The following PAK5 variants were observed in gnomAD, a reference collection of about 807,000 sequenced individuals.
PAK5 encodes serine/threonine-protein kinase PAK 5.
Under a neutral mutation model 65.9 loss-of-function variants are expected in PAK5, and 16 were observed. The observed-to-expected ratio is 0.24, with a 90% CI of 0.16 to 0.37. The LOEUF (loss-of-function observed/expected upper bound fraction) is 0.37, where lower values mean the gene tolerates loss of function less well. Ranked by LOEUF, PAK5 falls within the 10% of genes least tolerant of loss-of-function variation. The pLI is 1.00. For missense variants in PAK5, 785 were observed against 903.9 expected, an observed-to-expected ratio of 0.87 and a Z score of 1.69; for synonymous variants, 371 against 354.9, an observed-to-expected ratio of 1.05 and a Z score of -0.51.
rs191583935 is a variant in PAK5, at chr20:9,779,852, A to G, written c.-162+58910T>C. 1.6e-4 allele frequency among the ~76,000 whole-genome samples: 25 copies of G among 152,240 alleles called. No individual in the cohort carries two copies. The East Asian group carries it at 4.6e-3, about 28-fold the overall frequency. The stretch of plus-strand genomic sequence containing the variant: ...ATGCAACTTAACCAAGATAATTGTT[A>G]CAATCATATGCTTTTTACTAATAGA... On this transcript the variant is annotated intron_variant, in intron 1 of 9. Coordinates refer to ENST00000353224, the MANE Select transcript of PAK5 (RefSeq NM_177990.4).
Position 9,684,903 on chromosome 20 carries a change from C to T in PAK5, c.-12+26383G>A, listed in dbSNP as rs77307081. ...TATGCCTGCCTTGGCAAATGTCCTT[C>T]ATTCTCAGAGGAGGCTGCTGTATAG... On this transcript the variant is annotated intron_variant, in intron 2 of 9. Coordinates refer to ENST00000353224, the MANE Select transcript of PAK5 (RefSeq NM_177990.4). 6.4e-3 allele frequency among the ~76,000 whole-genome samples: 971 copies of T among 152,286 alleles called. 13 individuals are homozygous for T. Among genetic ancestry groups the T allele is most frequent in the African/African-American group, 0.022 (904 of 41,582 alleles).
rs1434613767 is a variant in PAK5 at position 9,615,567 on chromosome 20, G to A, written c.204+28558C>T. On this transcript the variant is annotated intron_variant, in intron 3 of 9. Transcript: ENST00000353224. ...TTTGGCCAGAGGGCTACAGTTTGTC[G>A]AATCTTGACTTAGAATAAGTCCTTC... 3.3e-5 allele frequency among the ~76,000 whole-genome samples: 5 copies of A among 152,278 alleles called. 1 individual carries two copies. The highest frequency in any genetic ancestry group is 3.4e-3 in the Middle Eastern group (1 of 294).
chr20:9,749,040 T>C (rs189664255), intron 1 of PAK5, among the ~76,000 whole-genome samples: 9 of 143,956 alleles, frequency 6.3e-5, no homozygotes, highest in African/African-American at 1.3e-4. Context: ...TTTAAATTTA[T>C]TGTGATTGAA....
chr20:9,682,769 T>C (rs2047667476), intron 2 of PAK5, among the ~76,000 whole-genome samples: 1 of 152,220 alleles, frequency 6.6e-6, no homozygotes, highest in Non-Finnish European at 1.5e-5. Context: ...TCTATGCCTA[T>C]ATATTCACTT....
At chr20:9,753,796 C>G (rs570342647) in intron 1 of PAK5, among the ~76,000 whole-genome samples, 1 of 152,130 alleles carries the variant, frequency 6.6e-6, no homozygotes, top group African/African-American at 2.4e-5. Context: ...TGGAGGAAGA[C>G]CAGAGAGACA....
At chr20:9,624,724 G>T (rs113020207) in intron 3 of PAK5, among the ~76,000 whole-genome samples, 1 of 151,842 alleles carries the variant, frequency 6.6e-6, no homozygotes, top group African/African-American at 2.4e-5. Flanking sequence ...CTATTTGAGA[G>T]TTGTGTGACT....
chr20:9,759,567 T>C (rs1489176698), intron 1 of PAK5, among the ~76,000 whole-genome samples: 1 of 152,122 alleles, frequency 6.6e-6, no homozygotes, highest in African/African-American at 2.4e-5. Flanking sequence ...TGAATTTGCA[T>C]CTCTATCAAG....
intron 2 of PAK5, among the ~76,000 whole-genome samples, chr20:9,666,398 A>C (rs1219965961): frequency 1.3e-5 from 2 of 151,370 alleles, no homozygotes; most frequent in Non-Finnish European, 2.9e-5. Flanking sequence ...AAAAAAAAAA[A>C]AAACTTCAAC....
chr20:9,796,959 C>A (rs1001853908), intron 1 of PAK5, among the ~76,000 whole-genome samples: 1 of 151,996 alleles, frequency 6.6e-6, no homozygotes, highest in Admixed American at 6.6e-5. Flanking sequence ...CCTGAGGAAT[C>A]GCCACACTGT....
chr20:9,695,259 T>C (rs907950774), intron 2 of PAK5, among the ~76,000 whole-genome samples: 3 of 152,118 alleles, frequency 2.0e-5, no homozygotes, highest in Admixed American at 2.0e-4. Flanking sequence ...TGGAGTTCTT[T>C]ATAAATTCTG....
chr20:9,702,060 C>T (rs1032918782), intron 2 of PAK5, among the ~76,000 whole-genome samples: 12 of 152,122 alleles, frequency 7.9e-5, no homozygotes, highest in Admixed American at 2.0e-4. Flanking sequence ...ATGAAATATC[C>T]GAGCTTCCCT....
At chr20:9,692,200 T>C (rs2047807176) in intron 2 of PAK5, among the ~76,000 whole-genome samples, 1 of 146,140 alleles carries the variant, frequency 6.8e-6, no homozygotes, top group Admixed American at 6.7e-5. Flanking sequence ...TATCAGGACC[T>C]GTTTCATCAG....
intron 3 of PAK5, among the ~76,000 whole-genome samples, chr20:9,604,853 G>C (rs1047846480): frequency 2.6e-5 from 4 of 152,162 alleles, no homozygotes; most frequent in African/African-American, 9.7e-5. Context: ...AAAAGCCCAG[G>C]CTTGTACAAC....
At chr20:9,662,919 C>CT (rs2047366555) in intron 2 of PAK5, among the ~76,000 whole-genome samples, 1 of 152,102 alleles carries the variant, frequency 6.6e-6, no homozygotes, top group Non-Finnish European at 1.5e-5. Flanking sequence ...ATGTCAAACT[C>CT]CTCTGGCTTT....
chr20:9,545,584 T>A (rs2045332084), intron 7 of PAK5, among the ~76,000 whole-genome samples: 1 of 152,212 alleles, frequency 6.6e-6, no homozygotes, highest in South Asian at 2.1e-4. Flanking sequence ...ACCTTTTTTT[T>A]CTGGCTCTAC....
intron 2 of PAK5, among the ~76,000 whole-genome samples, chr20:9,673,051 T>A (rs942627790): frequency 2.0e-5 from 3 of 152,170 alleles, no homozygotes; most frequent in Admixed American, 2.0e-4. Flanking sequence ...ATTGCCCATA[T>A]GAAAGGAAAA....
chr20:9,754,714 T>A (rs992439922), intron 1 of PAK5, among the ~76,000 whole-genome samples: 12 of 152,208 alleles, frequency 7.9e-5, no homozygotes, highest in African/African-American at 2.7e-4. Flanking sequence ...ATTGTTATCA[T>A]GTTTCTTTCA....
At chr20:9,641,238 A>T (rs2047055892) in intron 3 of PAK5, among the ~76,000 whole-genome samples, 1 of 151,904 alleles carries the variant, frequency 6.6e-6, no homozygotes, top group Non-Finnish European at 1.5e-5. Context: ...AGCTAAACAC[A>T]GGGTGCTGAT....
chr20:9,817,328 C>T (rs746566910), intron 1 of PAK5, among the ~76,000 whole-genome samples: 1 of 152,014 alleles, frequency 6.6e-6, no homozygotes, highest in Non-Finnish European at 1.5e-5. Context: ...CTTCAGGTAC[C>T]AGCAAATGTC....
Sources: gnomAD v4.1 joint callset for allele counts (sites outside exome capture counted in the v4.1 genomes callset) on GRCh38, gnomAD v4.1.1 for gene constraint, MANE v1.5 for transcripts, NCBI Gene and HGNC (gene_info 2026-07-23, HGNC 2026-07-21) for gene names.